CFAP92: variants seen among roughly 807,000 people sequenced by gnomAD.
CFAP92 encodes cilia and flagella associated protein 92 (putative), also known as uncharacterized protein CFAP92.
In CFAP92, 86 loss-of-function variants were observed where a neutral mutation model predicts 106.3. That is an observed-to-expected ratio of 0.81 (90% confidence interval 0.68 to 0.97). The LOEUF is 0.97. CFAP92 is among the 50% of genes least tolerant of loss of function. The probability of loss-of-function intolerance (pLI) is 0.00; values close to 1 mark genes in which losing one functional copy is unlikely to be tolerated. For synonymous variants in CFAP92, 477 were observed against 506.4 expected (o/e 0.94, Z 0.78); for missense variants, 1,204 against 1,283.8 (o/e 0.94, Z 0.95).
intron 10 of CFAP92, among the ~76,000 whole-genome samples, chr3:128,940,600 CCCA>C (rs1276892350): frequency 2.6e-5 from 4 of 151,972 alleles, no homozygotes; most frequent in African/African-American, 9.7e-5. Context: ...GTATTTATTC[CCCA>C]CCAATTTTGC....
chr3:128,932,574 G>T, intron 12 of CFAP92, 126 bp downstream of exon 12: 2 of 954,624 alleles, frequency 2.1e-6, no homozygotes, highest in Non-Finnish European at 3.0e-6. Flanking sequence ...GGTAGCCCAG[G>T]CCAGGAGCGC....
At chr3:129,005,263 C>T (rs1945020928), upstream of CFAP92, among the ~76,000 whole-genome samples, 1 of 152,240 alleles carries the variant, frequency 6.6e-6, no homozygotes, top group Middle Eastern at 3.4e-3. Flanking sequence ...AGCCTGCCCC[C>T]AAAGAAGTGA....
At chr3:129,019,935 A>T in the CFAP92 span, among the ~76,000 whole-genome samples, 1 of 151,600 alleles carries the variant, frequency 6.6e-6, no homozygotes, top group Non-Finnish European at 1.5e-5. Flanking sequence ...CGCCCGGCTA[A>T]TTTTTGTATT....
At chr3:128,994,466 CAT>C (rs1944404946), upstream of CFAP92, among the ~76,000 whole-genome samples, 1 of 152,172 alleles carries the variant, frequency 6.6e-6, no homozygotes, top group Non-Finnish European at 1.5e-5. Context: ...CGATCCCTCT[CAT>C]TAGATTCTCT....
intron 6 of CFAP92, 91 bp from the exon 7 acceptor site, chr3:128,975,994 C>G: frequency 7.4e-7 from 1 of 1,354,692 alleles, no homozygotes; most frequent in Non-Finnish European, 9.8e-7. Context: ...TAAATGAGAG[C>G]AGATTTTTTA....
intron 7 of CFAP92, among the ~76,000 whole-genome samples, chr3:128,974,445 T>C (rs1375801000): frequency 6.6e-6 from 1 of 152,190 alleles, no homozygotes; most frequent in Non-Finnish European, 1.5e-5. Flanking sequence ...TCTGCTCTCT[T>C]GACAGTATGT....
At chr3:128,963,138 A>T (rs573224807) in intron 9 of CFAP92, among the ~76,000 whole-genome samples, 1 of 152,170 alleles carries the variant, frequency 6.6e-6, no homozygotes, top group Non-Finnish European at 1.5e-5. Flanking sequence ...ATCTTGGCAT[A>T]ATTCTCATAA....
intron 7 of CFAP92, among the ~76,000 whole-genome samples, chr3:128,973,682 G>A (rs1425020384): frequency 6.6e-6 from 1 of 150,574 alleles, no homozygotes; most frequent in Non-Finnish European, 1.5e-5. Context: ...AAAAGAGAGA[G>A]ATGCTGCCTG....
chr3:128,933,122 T>TTTA, intron 11 of CFAP92, 125 bp from the exon 12 acceptor site: 1 of 876,278 alleles, frequency 1.1e-6, no homozygotes, highest in Non-Finnish European at 1.7e-6. Context: ...TCCTGGAGCT[T>TTTA]GTGACTAAAG....
chr3:128,961,497 TG>T (rs1941917513), intron 9 of CFAP92, among the ~76,000 whole-genome samples: 1 of 79,118 alleles, frequency 1.3e-5, no homozygotes, highest in African/African-American at 1.5e-4. Flanking sequence ...GTCCTGCTTA[TG>T]GTTTTCATTC....
At chr3:129,005,868 G>C (rs1451484383), upstream of CFAP92, among the ~76,000 whole-genome samples, 1 of 152,272 alleles carries the variant, frequency 6.6e-6, no homozygotes, top group Non-Finnish European at 1.5e-5. Context: ...GGGCTGGTTG[G>C]CTTGAGGCCC....
intron 15 of CFAP92, among the ~76,000 whole-genome samples, chr3:128,912,035 G>C (rs1462717182): frequency 6.6e-6 from 1 of 152,232 alleles, no homozygotes; most frequent in East Asian, 1.9e-4. Context: ...TGAGGTTCTG[G>C]ATCAGTGTCC....
chr3:128,978,366 T>C, intron 4 of CFAP92, 181 bp from the exon 5 acceptor site: 1 of 579,530 alleles, frequency 1.7e-6, no homozygotes, highest in South Asian at 2.7e-5. Context: ...GTTTATATCA[T>C]ACTGTAGTCT....
At chr3:128,965,985 C>A (rs1942335513) in intron 8 of CFAP92, among the ~76,000 whole-genome samples, 1 of 152,036 alleles carries the variant, frequency 6.6e-6, no homozygotes, top group South Asian at 2.1e-4. Context: ...TCATCTAGGA[C>A]ACAATAGGAA....
At chr3:128,926,953 G>C (rs570202917) in intron 12 of CFAP92, among the ~76,000 whole-genome samples, 84 of 152,170 alleles carry the variant, frequency 5.5e-4, no homozygotes, top group African/African-American at 2.0e-3. Flanking sequence ...AATTAGCTGG[G>C]TGTGGTGGCG....
chr3:128,995,728 G>A (rs1029144121), upstream of CFAP92, among the ~76,000 whole-genome samples: 1 of 152,228 alleles, frequency 6.6e-6, no homozygotes, highest in African/African-American at 2.4e-5. Context: ...AAGGGCCAAT[G>A]TGCCATCCTG....
chr3:128,972,203 A>G (rs554341102), intron 7 of CFAP92, among the ~76,000 whole-genome samples: 3 of 152,314 alleles, frequency 2.0e-5, no homozygotes, highest in Non-Finnish European at 2.9e-5. Flanking sequence ...TCATCAGAAG[A>G]ATATCTAGGA....
chr3:128,946,826 A>C (rs183359818), intron 9 of CFAP92, among the ~76,000 whole-genome samples: 1 of 152,334 alleles, frequency 6.6e-6, no homozygotes, highest in East Asian at 1.9e-4. Flanking sequence ...CTACTAGTGA[A>C]ATCAGATGCA....
intron 1 of CFAP92, among the ~76,000 whole-genome samples, chr3:128,999,195 A>G (rs188457927): frequency 1.3e-5 from 2 of 152,310 alleles, no homozygotes; most frequent in South Asian, 2.1e-4. Context: ...AAAAGAACGC[A>G]AGGAGACCTC....
Sources: allele counts gnomAD v4.1 joint callset (sites outside exome capture counted in the v4.1 genomes callset), GRCh38; gene constraint gnomAD v4.1.1; transcripts MANE v1.5; gene names NCBI Gene and HGNC (gene_info 2026-07-23, HGNC 2026-07-21).